The following KDM2A variants were observed in gnomAD, a reference collection of about 807,000 sequenced individuals.
The protein encoded by KDM2A is lysine demethylase 2A.
Under a neutral mutation model 137.3 loss-of-function variants are expected in KDM2A, and 3 were observed. The observed-to-expected ratio is 0.02, with a 90% CI of 0.01 to 0.06. The LOEUF is 0.06. Among genes scored for constraint, KDM2A ranks in the 10% least tolerant of loss-of-function variants. The probability of loss-of-function intolerance (pLI) is 1.00; values close to 1 mark genes in which losing one functional copy is unlikely to be tolerated. For synonymous variants in KDM2A, 512 were observed against 541.5 expected (o/e 0.95, Z 0.76); for missense variants, 738 against 1,510.6 (o/e 0.49, Z 8.48).
At chr11:67,232,083 T>G (rs1422620716) in intron 12 of KDM2A, 123 bp downstream of exon 12, 1 of 887,596 alleles carries the variant, frequency 1.1e-6, no homozygotes, top group Non-Finnish European at 1.7e-6. Flanking sequence ...GAAGTTAATA[T>G]GCATGTGTGT....
intron 5 of KDM2A, among the ~76,000 whole-genome samples, chr11:67,191,550 A>G (rs1184894698): frequency 1.3e-5 from 2 of 152,250 alleles, no homozygotes; most frequent in African/African-American, 4.8e-5. Context: ...GTGAAAATCA[A>G]TCAATATAAA....
At chr11:67,227,630 C>T (rs1056338292) in intron 10 of KDM2A, among the ~76,000 whole-genome samples, 5 of 151,988 alleles carry the variant, frequency 3.3e-5, no homozygotes, top group African/African-American at 9.7e-5. Flanking sequence ...AGTGCAGAGG[C>T]GTGATCTCAG....
Position 67,250,913 on chromosome 11 carries a change from T to G in KDM2A, c.2768+115T>G. The G allele has an allele frequency of 1.3e-6, 1 of 785,360 alleles. No individual in the cohort carries two copies. The highest frequency in any genetic ancestry group is 2.1e-6 in the Non-Finnish European group (1 of 484,750). The allele number at this position is 785,360 out of a possible 1,614,324, so 48.6% of individuals were successfully genotyped here. ...AAAGCCTGTGGGGTCTTATGAGGAG[T>G]GAATTGACCCTTTTTCCCAAACTTT... On this transcript the variant is annotated intron_variant, in intron 17 of 20. Transcript: ENST00000529006. The surrounding 1 kb of genome is among the most constrained non-coding windows in gnomAD (Gnocchi z 7.1).
At chr11:67,194,633 A>C (rs186266710) in intron 5 of KDM2A, among the ~76,000 whole-genome samples, 1 of 152,236 alleles carries the variant, frequency 6.6e-6, no homozygotes, top group African/African-American at 2.4e-5. Flanking sequence ...ATTGCCTAGT[A>C]AAAAATAGAG....
intron 2 of KDM2A, among the ~76,000 whole-genome samples, chr11:67,144,490 G>T (rs1044454129): frequency 6.6e-6 from 1 of 151,878 alleles, no homozygotes; most frequent in South Asian, 2.1e-4. Context: ...GACCTCAGGT[G>T]ATCCACCCAC....
chr11:67,181,228 A>G (rs1857085582), intron 3 of KDM2A, 92 bp from the exon 4 acceptor site: 3 of 736,572 alleles, frequency 4.1e-6, no homozygotes, highest in Non-Finnish European at 6.9e-6. Context: ...AACAAACACC[A>G]TTTATACTGT....
chr11:67,175,151 G>T (rs1330681816), intron 2 of KDM2A, among the ~76,000 whole-genome samples: 1 of 152,090 alleles, frequency 6.6e-6, no homozygotes, highest in East Asian at 1.9e-4. Context: ...CTGATATCCA[G>T]GGTTACTGTG....
intron 18 of KDM2A, 101 bp from the exon 19 acceptor site, chr11:67,253,352 T>C: frequency 1.0e-6 from 1 of 1,002,186 alleles, no homozygotes; most frequent in Non-Finnish European, 1.5e-6. Flanking sequence ...AGTCCTTCTC[T>C]CCTATTAGAC....
At chr11:67,197,544 A>G (rs950232680) in intron 5 of KDM2A, among the ~76,000 whole-genome samples, 1 of 152,176 alleles carries the variant, frequency 6.6e-6, no homozygotes, top group African/African-American at 2.4e-5. Flanking sequence ...ATAGCTAATC[A>G]TTGGCAAAAT....
chr11:67,164,281 G>A (rs891840302), intron 2 of KDM2A, among the ~76,000 whole-genome samples: 5 of 152,042 alleles, frequency 3.3e-5, no homozygotes, highest in Admixed American at 1.3e-4. Context: ...GTAAATATAG[G>A]TTCATACCTG....
chr11:67,172,781 G>C (rs1375704835), intron 2 of KDM2A, among the ~76,000 whole-genome samples: 3 of 152,030 alleles, frequency 2.0e-5, no homozygotes, highest in African/African-American at 7.2e-5. Flanking sequence ...AACTGCCCTA[G>C]CTAGAAACTT....
intron 9 of KDM2A, 122 bp downstream of exon 9, chr11:67,218,006 TC>T (rs1201329144): frequency 1.1e-6 from 1 of 872,070 alleles, no homozygotes; most frequent in African/African-American, 1.7e-5. Flanking sequence ...CAGTGTTTCT[TC>T]CTGTCATTAT....
intron 6 of KDM2A, among the ~76,000 whole-genome samples, chr11:67,213,584 C>T (rs1364291508): frequency 2.0e-5 from 3 of 151,774 alleles, no homozygotes. Flanking sequence ...ATGGTGAAAC[C>T]CTGTCTCTAC....
chr11:67,194,419 A>T (rs1857432118), intron 5 of KDM2A, among the ~76,000 whole-genome samples: 1 of 152,222 alleles, frequency 6.6e-6, no homozygotes, highest in Non-Finnish European at 1.5e-5. Context: ...TCAATGGCAC[A>T]TCTGAATTAC....
chr11:67,250,515 C>A lies in KDM2A; in HGVS notation c.2485C>A (p.Leu829Ile). 6.2e-7 allele frequency: 1 copy of A among 1,614,038 alleles called. No homozygotes were observed. The highest frequency in any genetic ancestry group is 2.2e-5 in the East Asian group (1 of 44,892). The change falls in exon 17 of 21, where the codon CTT (leucine) becomes ATT (isoleucine). Residue 829 changes from leucine (L) to isoleucine (I), a missense_variant. Transcript: ENST00000529006. This position sits in a 1 kb window ranked among gnomAD's most constrained non-coding sequence, Gnocchi z 7.1. ...LQAITASSAN[L>I]RHSPRVLVQH... ...GGCCATCACGGCCTCCTCTGCCAAC[C>A]TTCGCCATTCCCCCCGTGTGCTAGT...
intron 12 of KDM2A, among the ~76,000 whole-genome samples, chr11:67,239,380 A>G (rs1858959746): frequency 6.6e-6 from 1 of 152,158 alleles, no homozygotes; most frequent in Non-Finnish European, 1.5e-5. Flanking sequence ...TCAGAATCAG[A>G]AGCAGGCATC....
intron 2 of KDM2A, among the ~76,000 whole-genome samples, chr11:67,143,645 T>A (rs930609589): frequency 6.6e-6 from 1 of 151,932 alleles, no homozygotes; most frequent in African/African-American, 2.4e-5. Context: ...ATTTATTTAT[T>A]TTTTTGAGAT....
intron 12 of KDM2A, among the ~76,000 whole-genome samples, chr11:67,235,077 G>A (rs1241421974): frequency 1.3e-5 from 2 of 149,640 alleles, no homozygotes; most frequent in East Asian, 4.0e-4. Context: ...CCCGGGAGGC[G>A]GAGCTTGCAG....
chr11:67,209,087 G>A (rs1857899905), intron 6 of KDM2A, among the ~76,000 whole-genome samples: 1 of 151,562 alleles, frequency 6.6e-6, no homozygotes, highest in African/African-American at 2.4e-5. Context: ...AGGCCACCAT[G>A]CACTGCTAAT....
Sources: allele counts gnomAD v4.1 joint callset (sites outside exome capture counted in the v4.1 genomes callset), GRCh38; gene constraint gnomAD v4.1.1; non-coding constraint Gnocchi (gnomAD v3.1); transcripts MANE v1.5; gene names NCBI Gene and HGNC (gene_info 2026-07-23, HGNC 2026-07-21).